RORB: variants seen among roughly 807,000 people sequenced by gnomAD.
RORB encodes the protein nuclear receptor ROR-beta.
In RORB, 6 loss-of-function variants were observed where a neutral mutation model predicts 59.1. The observed-to-expected ratio is 0.10, with a 90% CI of 0.06 to 0.20. The LOEUF is 0.20. Ranked by LOEUF, RORB falls within the 10% of genes least tolerant of loss-of-function variation. The pLI, the probability that RORB is intolerant of heterozygous loss-of-function variation, is 1.00. For missense variants in RORB, 320 were observed against 560.5 expected (o/e 0.57, Z 4.33); for synonymous variants, 215 against 204.5 (o/e 1.05, Z -0.44).
At chr9:74,539,401 C>T (rs1044910933) in intron 1 of RORB, among the ~76,000 whole-genome samples, 1 of 152,046 alleles carries the variant, frequency 6.6e-6, no homozygotes, top group African/African-American at 2.4e-5. Flanking sequence ...CACAGCTTTC[C>T]AAGATTGGCT....
intron 1 of RORB, among the ~76,000 whole-genome samples, chr9:74,508,714 G>A (rs1031240775): frequency 1.3e-5 from 2 of 151,852 alleles, no homozygotes; most frequent in African/African-American, 4.8e-5. Flanking sequence ...AAAGTCTTAA[G>A]GAATTCCTTA....
intron 1 of RORB, among the ~76,000 whole-genome samples, chr9:74,617,870 C>T (rs935670969): frequency 6.6e-6 from 1 of 152,190 alleles, no homozygotes; most frequent in Non-Finnish European, 1.5e-5. Flanking sequence ...TAAACTCAAA[C>T]ATGCCTTTCT....
At position 74,660,645 on chromosome 9, in the gene RORB, C is replaced by A; in HGVS notation, c.666C>A (p.Ser222=). The A allele has an allele frequency of 6.2e-7, 1 of 1,613,004 alleles. No individual in the cohort carries two copies. The highest frequency in any genetic ancestry group is 8.5e-7 in the Non-Finnish European group (1 of 1,179,550). ...GAATTGCACAGAACATCATTAAGTC[C>A]CATTTGGAGACATGTCAATACACCA... ...IDRIAQNIIK[S]HLETCQYTME... The change falls in exon 5 of 10, where the codon TCC becomes TCA. Residue 222 remains serine, a synonymous_variant. Coordinates refer to ENST00000376896, the MANE Select transcript of RORB (RefSeq NM_006914.4).
chr9:74,577,356 C>T (rs1822651937), intron 1 of RORB, among the ~76,000 whole-genome samples: 1 of 152,030 alleles, frequency 6.6e-6, no homozygotes, highest in Non-Finnish European at 1.5e-5. Flanking sequence ...TAGTCAAGGG[C>T]TTTAATGCAG....
chr9:74,673,080 A>G (rs775298158), intron 9 of RORB, among the ~76,000 whole-genome samples: 1 of 152,232 alleles, frequency 6.6e-6, no homozygotes, highest in Non-Finnish European at 1.5e-5. Context: ...ATAGAGCAAT[A>G]GTTCTCTTTC....
chr9:74,522,360 C>T (rs1252494068), intron 1 of RORB, among the ~76,000 whole-genome samples: 2 of 151,680 alleles, frequency 1.3e-5, no homozygotes, highest in Non-Finnish European at 2.9e-5. Flanking sequence ...AAATAACTGA[C>T]ATCAAAATCT....
chr9:74,673,769 T>C (rs1038547708), intron 9 of RORB, among the ~76,000 whole-genome samples: 4 of 152,218 alleles, frequency 2.6e-5, no homozygotes, highest in Admixed American at 2.6e-4. Context: ...GTTGCAAAAC[T>C]GAGAAAGCAT....
intron 1 of RORB, among the ~76,000 whole-genome samples, chr9:74,611,119 C>T (rs77229280): frequency 2.6e-5 from 4 of 152,178 alleles, no homozygotes; most frequent in African/African-American, 9.6e-5. Flanking sequence ...GTAAGCACTA[C>T]GTTAGTGTGA....
At chr9:74,671,927 C>A in intron 9 of RORB, 26 bp downstream of exon 9, 2 of 1,348,520 alleles carry the variant, frequency 1.5e-6, no homozygotes, top group Non-Finnish European at 2.1e-6. Flanking sequence ...ACAGAGCCAC[C>A]ACCACCAAAA....
intron 1 of RORB, among the ~76,000 whole-genome samples, chr9:74,532,719 T>C (rs1035363373): frequency 6.7e-6 from 1 of 149,956 alleles, no homozygotes; most frequent in Non-Finnish European, 1.5e-5. Flanking sequence ...TACATATATG[T>C]GTGTTACATA....
intron 1 of RORB, among the ~76,000 whole-genome samples, chr9:74,608,549 G>C (rs1453296797): frequency 1.5e-5 from 2 of 131,330 alleles, no homozygotes; most frequent in East Asian, 4.6e-4. Flanking sequence ...GGGCAACAGA[G>C]TGAGACTCCG....
At position 74,635,762 on chromosome 9, in the gene RORB, T is replaced by A. The variant is rs141715797; in HGVS notation, c.235+990T>A. ...GTGGATTCTGGGCCTCTGGTCGCACTCCCTCTAGTGAAATTCAAGGCTGTA... is the reference window on the plus strand; with the variant it reads ...GTGGATTCTGGGCCTCTGGTCGCACACCCTCTAGTGAAATTCAAGGCTGTA... On this transcript the variant is annotated intron_variant, in intron 3 of 9. Transcript: ENST00000376896. Among the ~76,000 whole-genome samples, 834 of 152,236 alleles carry A rather than the reference T, an allele frequency of 5.5e-3. 10 individuals are homozygous for A. The highest frequency in any genetic ancestry group is 0.019 in the African/African-American group (794 of 41,520).
At chr9:74,549,559 A>G (rs1426807958) in intron 1 of RORB, among the ~76,000 whole-genome samples, 8 of 23,452 alleles carry the variant, frequency 3.4e-4, no homozygotes, top group African/African-American at 7.6e-4. Flanking sequence ...GAAGGAAGGA[A>G]GGAAGGAAGG....
intron 9 of RORB, among the ~76,000 whole-genome samples, chr9:74,680,552 G>T (rs943898564): frequency 6.6e-6 from 1 of 152,166 alleles, no homozygotes; most frequent in African/African-American, 2.4e-5. Context: ...ACTGCCACAC[G>T]GATGCTAAGG....
intron 1 of RORB, among the ~76,000 whole-genome samples, chr9:74,586,114 G>A (rs563597762): frequency 6.6e-6 from 1 of 152,054 alleles, no homozygotes; most frequent in Non-Finnish European, 1.5e-5. Context: ...TATTTAAAGA[G>A]CATAAGATAC....
intron 4 of RORB, among the ~76,000 whole-genome samples, chr9:74,645,020 C>T (rs1823872350): frequency 6.6e-6 from 1 of 152,060 alleles, no homozygotes; most frequent in Non-Finnish European, 1.5e-5. Flanking sequence ...AAAATAAACT[C>T]GCGTATATTT....
At chr9:74,627,047 A>G (rs1055285228) in intron 1 of RORB, among the ~76,000 whole-genome samples, 1 of 151,956 alleles carries the variant, frequency 6.6e-6, no homozygotes, top group Non-Finnish European at 1.5e-5. Context: ...CGGTAGTCCC[A>G]GCTGCTGGGG....
Position 74,656,516 on chromosome 9 carries a change from G to A in RORB, c.638-4101G>A, listed in dbSNP as rs186016330. Among the ~76,000 whole-genome samples the A allele has an allele frequency of 4.6e-5, 7 of 152,262 alleles. 1 individual carries two copies. Among genetic ancestry groups the A allele is most frequent in the Middle Eastern group, 3.4e-3 (1 of 294 alleles). Reference sequence around the variant, plus strand: ...TTTGGGAAGCCAAGGTGGGCAGATCGCCTGAGGTCAAGAGTTCGAGAACAG... The same window carrying A: ...TTTGGGAAGCCAAGGTGGGCAGATCACCTGAGGTCAAGAGTTCGAGAACAG... On this transcript the variant is annotated intron_variant, in intron 4 of 9. Transcript: ENST00000376896.
At chr9:74,622,399 G>A (rs1032382221) in intron 1 of RORB, among the ~76,000 whole-genome samples, 3 of 152,064 alleles carry the variant, frequency 2.0e-5, no homozygotes, top group Non-Finnish European at 2.9e-5. Context: ...TTCACAGAGA[G>A]GAGAGGTTTG....
Sources: gnomAD v4.1 joint callset for allele counts (sites outside exome capture counted in the v4.1 genomes callset) on GRCh38, gnomAD v4.1.1 for gene constraint, MANE v1.5 for transcripts, NCBI Gene and HGNC (gene_info 2026-07-23, HGNC 2026-07-21) for gene names.